SLC4A10: variants seen among roughly 807,000 people sequenced by gnomAD.
SLC4A10 encodes the protein solute carrier family 4 member 10.
In SLC4A10, 42 loss-of-function variants were observed where a neutral mutation model predicts 137.7. The observed-to-expected ratio is 0.30, with a 90% CI of 0.24 to 0.39. The LOEUF is 0.39. Ranked by LOEUF, SLC4A10 falls within the 10% of genes least tolerant of loss-of-function variation. SLC4A10 has a pLI of 1.00. For missense variants in SLC4A10, 925 were observed against 1,355.0 expected (o/e 0.68, Z 4.98); for synonymous variants, 474 against 464.1 (o/e 1.02, Z -0.27).
chr2:161,927,366 CT>C (rs1559551324), intron 15 of SLC4A10, among the ~76,000 whole-genome samples: 1 of 152,154 alleles, frequency 6.6e-6, no homozygotes, highest in Non-Finnish European at 1.5e-5. Flanking sequence ...CCTGTGGCTT[CT>C]GCATTCTTTA....
chr2:161,918,466 A>G (rs1368916073), intron 15 of SLC4A10, among the ~76,000 whole-genome samples: 1 of 152,182 alleles, frequency 6.6e-6, no homozygotes, highest in African/African-American at 2.4e-5. Context: ...TAGAAGTTTT[A>G]AATTTCAAAT....
chr2:161,708,331 T>G (rs1028009214), intron 1 of SLC4A10, among the ~76,000 whole-genome samples: 1 of 151,394 alleles, frequency 6.6e-6, no homozygotes, highest in African/African-American at 2.4e-5. Flanking sequence ...TAATTAAGAG[T>G]TGACATTTTA....
intron 23 of SLC4A10, among the ~76,000 whole-genome samples, chr2:161,967,294 C>A (rs142406263): frequency 6.6e-6 from 1 of 152,060 alleles, no homozygotes; most frequent in South Asian, 2.1e-4. Flanking sequence ...AAGGGAATAG[C>A]GTCTTGGCCA....
intron 11 of SLC4A10, among the ~76,000 whole-genome samples, 169 bp from the exon 12 acceptor site, chr2:161,900,742 T>C (rs1682910935): frequency 6.6e-6 from 1 of 152,070 alleles, no homozygotes; most frequent in Non-Finnish European, 1.5e-5. Flanking sequence ...AAACTAACAC[T>C]TTAAAAGGCT....
intron 10 of SLC4A10, among the ~76,000 whole-genome samples, chr2:161,883,325 G>A (rs1458985148): frequency 2.0e-5 from 3 of 152,060 alleles, no homozygotes; most frequent in Admixed American, 2.0e-4. Context: ...GAGCCAATTA[G>A]TATTGTATAT....
At chr2:161,878,178 A>G (rs989651346) in intron 8 of SLC4A10, among the ~76,000 whole-genome samples, 3 of 152,106 alleles carry the variant, frequency 2.0e-5, no homozygotes, top group East Asian at 3.8e-4. Context: ...GGCTATTCTC[A>G]CTTTGATCTT....
chr2:161,950,871 A>T (rs1215100450), intron 19 of SLC4A10, 23 bp downstream of exon 19: 1 of 1,550,506 alleles, frequency 6.4e-7, no homozygotes, highest in Non-Finnish European at 8.7e-7. Flanking sequence ...ATCCATTTTA[A>T]TGTAAATAAT....
At chr2:161,746,500 C>T (rs1218695128) in intron 1 of SLC4A10, among the ~76,000 whole-genome samples, 2 of 151,952 alleles carry the variant, frequency 1.3e-5, no homozygotes, top group African/African-American at 4.8e-5. Context: ...TTCCTTCTGT[C>T]TGTGGCAGGT....
intron 5 of SLC4A10, among the ~76,000 whole-genome samples, chr2:161,859,943 G>A (rs1295853846): frequency 2.0e-5 from 3 of 152,142 alleles, no homozygotes; most frequent in Non-Finnish European, 2.9e-5. Flanking sequence ...GTATTATGTA[G>A]GCATAATAGC....
chr2:161,717,516 A>T (rs1433066688), intron 1 of SLC4A10, among the ~76,000 whole-genome samples: 1 of 152,116 alleles, frequency 6.6e-6, no homozygotes, highest in Non-Finnish European at 1.5e-5. Flanking sequence ...GTTGAACTTT[A>T]TCAAAGTCCT....
At chr2:161,811,134 T>C (rs187893917) in intron 3 of SLC4A10, among the ~76,000 whole-genome samples, 38 of 152,222 alleles carry the variant, frequency 2.5e-4, no homozygotes, top group Middle Eastern at 3.4e-3. Context: ...CCATTTCCTC[T>C]AGATTTTCTA....
chr2:161,932,882 T>C (rs1163632511), intron 15 of SLC4A10, among the ~76,000 whole-genome samples: 1 of 152,084 alleles, frequency 6.6e-6, no homozygotes, highest in Non-Finnish European at 1.5e-5. Context: ...TTTCTCCCCA[T>C]ACTCCTTGAG....
intron 2 of SLC4A10, among the ~76,000 whole-genome samples, chr2:161,788,403 C>T (rs1157055309): frequency 6.6e-6 from 1 of 151,692 alleles, no homozygotes; most frequent in East Asian, 2.0e-4. Flanking sequence ...GAGTAAGAAT[C>T]CACTCACCCT....
At chr2:161,660,555 T>G (rs2038150841) in intron 1 of SLC4A10, among the ~76,000 whole-genome samples, 1 of 147,684 alleles carries the variant, frequency 6.8e-6, no homozygotes, top group African/African-American at 2.5e-5. Flanking sequence ...TACTCATCTA[T>G]ATTTCTTTCT....
At chr2:161,922,450 AAT>A (rs1390467659) in intron 15 of SLC4A10, among the ~76,000 whole-genome samples, 3 of 152,136 alleles carry the variant, frequency 2.0e-5, no homozygotes, top group African/African-American at 7.2e-5. Flanking sequence ...ATATTATTTA[AAT>A]AGTCATCTTA....
intron 11 of SLC4A10, among the ~76,000 whole-genome samples, chr2:161,898,533 G>A (rs1217179193): frequency 6.6e-6 from 1 of 151,842 alleles, no homozygotes; most frequent in African/African-American, 2.4e-5. Flanking sequence ...TTCACCATTG[G>A]GATCATTTCC....
chr2:161,758,046 C>G (rs1380533502), intron 1 of SLC4A10, among the ~76,000 whole-genome samples: 2 of 151,694 alleles, frequency 1.3e-5, no homozygotes, highest in Non-Finnish European at 1.5e-5. Context: ...ATTTTTTCCA[C>G]GTTATTTTTA....
chr2:161,788,490 T>A (rs955050022), intron 2 of SLC4A10, among the ~76,000 whole-genome samples: 1 of 151,968 alleles, frequency 6.6e-6, no homozygotes, highest in African/African-American at 2.4e-5. Context: ...AGTGAACTGG[T>A]CTTGGTGGTA....
chr2:161,843,277 G>T (rs546381543), intron 4 of SLC4A10, among the ~76,000 whole-genome samples: 1 of 152,140 alleles, frequency 6.6e-6, no homozygotes. Flanking sequence ...CTTTGTTACA[G>T]TTGAGCAGGT....
Sources: gnomAD v4.1 joint callset for allele counts (sites outside exome capture counted in the v4.1 genomes callset) on GRCh38, gnomAD v4.1.1 for gene constraint, MANE v1.5 for transcripts, NCBI Gene and HGNC (gene_info 2026-07-23, HGNC 2026-07-21) for gene names.